Variants in ELP4 observed in about 807,000 individuals in gnomAD.
ELP4 encodes elongator complex protein 4.
Under a neutral mutation model 48.9 loss-of-function variants are expected in ELP4, and 51 were observed. That is an observed-to-expected ratio of 1.04 (90% CI 0.83 to 1.32). The LOEUF is 1.32. Among genes scored for constraint, ELP4 ranks in the 40% most tolerant of loss-of-function variants. ELP4 has a pLI of 0.00. For synonymous variants in ELP4, 210 were observed against 189.2 expected, an observed-to-expected ratio of 1.11 and a Z score of -0.90; for missense variants, 519 against 514.6, an observed-to-expected ratio of 1.01 and a Z score of -0.08.
At chr11:31,744,093 A>G (rs1421902271) in intron 9 of ELP4, among the ~76,000 whole-genome samples, 1 of 152,210 alleles carries the variant, frequency 6.6e-6, no homozygotes, top group Non-Finnish European at 1.5e-5. Context: ...ACAAACTACC[A>G]TCAGAGAATA....
At chr11:31,686,328 G>GTTTTT (rs376488709) in intron 9 of ELP4, among the ~76,000 whole-genome samples, 4 of 122,510 alleles carry the variant, frequency 3.3e-5, no homozygotes, top group African/African-American at 6.0e-5. Context: ...TTGTGGGTTG[G>GTTTTT]TTTTTTTTTT....
At chr11:31,609,513 A>G (rs1485088064) in intron 5 of ELP4, among the ~76,000 whole-genome samples, 1 of 152,068 alleles carries the variant, frequency 6.6e-6, no homozygotes, top group Non-Finnish European at 1.5e-5. Context: ...CAGGGTTTTC[A>G]TCAGCTCTTT....
At position 31,520,197 on chromosome 11, in the gene ELP4, A is replaced by G. The variant is rs188498302; in HGVS notation, c.259+106A>G. ...AAATTATTTAAATCACTAACACGAC[A>G]GAAGTTAAGATAAATTAGAGAGGAA... On this transcript the variant is annotated intron_variant, in intron 2 of 9. Transcript: ENST00000640961. 3.5e-5 allele frequency: 32 copies of G among 918,948 alleles called. No individual in the cohort carries two copies. In the East Asian group the frequency reaches 8.0e-4, roughly 23 times the overall value. The allele number at this position is 918,948 out of a possible 1,614,324, so 56.9% of individuals were successfully genotyped here. A position where few individuals can be genotyped will look rare whatever the true frequency, so the allele number is the denominator to read the frequency against.
intron 2 of ELP4, among the ~76,000 whole-genome samples, chr11:31,536,198 AT>A (rs1284161443): frequency 6.6e-6 from 1 of 151,430 alleles, no homozygotes; most frequent in African/African-American, 2.5e-5. Flanking sequence ...GTTTTTGGCT[AT>A]TAAAAAAAAA....
intron 5 of ELP4, among the ~76,000 whole-genome samples, chr11:31,609,522 T>G (rs1306719381): frequency 6.6e-6 from 1 of 150,880 alleles, no homozygotes; most frequent in Non-Finnish European, 1.5e-5. Flanking sequence ...CATCAGCTCT[T>G]TGAGGGATAT....
At chr11:31,533,984 C>T (rs1210766456) in intron 2 of ELP4, among the ~76,000 whole-genome samples, 1 of 151,752 alleles carries the variant, frequency 6.6e-6, no homozygotes, top group East Asian at 2.0e-4. Flanking sequence ...TACAGGCTCC[C>T]GCCACCACGC....
chr11:31,643,347 G>A (rs12363388), intron 7 of ELP4, among the ~76,000 whole-genome samples: 3 of 151,492 alleles, frequency 2.0e-5, no homozygotes, highest in Non-Finnish European at 4.4e-5. Flanking sequence ...TACTTGAGGC[G>A]TTGCATAAAT....
chr11:31,711,672 T>G (rs1946746040), intron 9 of ELP4, among the ~76,000 whole-genome samples: 1 of 152,158 alleles, frequency 6.6e-6, no homozygotes, highest in African/African-American at 2.4e-5. Flanking sequence ...TACCTCTGCA[T>G]TATTTTAGAC....
At chr11:31,753,692 A>G (rs893055202) in intron 9 of ELP4, among the ~76,000 whole-genome samples, 2 of 152,370 alleles carry the variant, frequency 1.3e-5, no homozygotes, top group African/African-American at 4.8e-5. Context: ...AGAATGTTGA[A>G]TATAGCATTT....
intron 9 of ELP4, among the ~76,000 whole-genome samples, chr11:31,678,491 A>ATGTG (rs1412303062): frequency 6.0e-4 from 28 of 46,624 alleles, no homozygotes; most frequent in African/African-American, 1.2e-3. Context: ...GCATACATAT[A>ATGTG]TGTATGTGTG....
At chr11:31,634,437 T>G (rs749249584) in intron 7 of ELP4, 7 of 152,032 alleles carry the variant, frequency 4.6e-5, no homozygotes, top group Non-Finnish European at 8.8e-5. Flanking sequence ...ACTTTAAATT[T>G]TATTCCAAAG....
intron 9 of ELP4, among the ~76,000 whole-genome samples, chr11:31,778,059 G>A (rs536267070): frequency 1.1e-3 from 165 of 152,286 alleles, no homozygotes; most frequent in African/African-American, 3.6e-3. Context: ...ATAAAGGGGG[G>A]ATATGCTTTT....
intron 9 of ELP4, among the ~76,000 whole-genome samples, chr11:31,709,271 C>G (rs1160573895): frequency 1.3e-5 from 2 of 152,196 alleles, no homozygotes; most frequent in South Asian, 4.1e-4. Context: ...ATATTACAAA[C>G]TATAGATTTG....
At chr11:31,542,092 G>A (rs1465005724) in intron 3 of ELP4, among the ~76,000 whole-genome samples, 2 of 152,090 alleles carry the variant, frequency 1.3e-5, no homozygotes, top group Non-Finnish European at 2.9e-5. Context: ...AACATAAAAA[G>A]CAGCACAGGG....
At chr11:31,725,128 C>G (rs1307909553) in intron 9 of ELP4, among the ~76,000 whole-genome samples, 1 of 152,206 alleles carries the variant, frequency 6.6e-6, no homozygotes, top group Non-Finnish European at 1.5e-5. Flanking sequence ...GACTGCTTCT[C>G]TGACTACCTC....
At chr11:31,520,125 T>C in intron 2 of ELP4, 34 bp downstream of exon 2, 1 of 1,580,548 alleles carries the variant, frequency 6.3e-7, no homozygotes. Context: ...CTCTCCTCTA[T>C]CATTGTTTTC....
intron 7 of ELP4, among the ~76,000 whole-genome samples, chr11:31,639,717 T>C (rs546320710): frequency 6.6e-6 from 1 of 152,068 alleles, no homozygotes; most frequent in Middle Eastern, 3.4e-3. Flanking sequence ...TAAGGATATA[T>C]TTTAAATTGT....
intron 9 of ELP4, among the ~76,000 whole-genome samples, chr11:31,684,239 C>T (rs1048857866): frequency 3.9e-5 from 6 of 151,968 alleles, no homozygotes; most frequent in Non-Finnish European, 8.8e-5. Context: ...CAGAATCTCC[C>T]TTTGTCACCC....
In ELP4 at chr11:31,651,540, AAC is replaced by A. The variant is rs562723243; in HGVS notation, c.1143+1322_1143+1323del. 19 of 151,928 alleles carry A rather than the reference AAC, an allele frequency of 1.3e-4. No individual in the cohort carries two copies. In the South Asian group the frequency reaches 3.9e-3, roughly 31 times the overall value. The allele number at this position is 151,928 out of a possible 1,614,324, so 9.4% of individuals were successfully genotyped here. On this transcript the variant is annotated intron_variant, in intron 9 of 9. Coordinates refer to ENST00000640961, the MANE Select transcript of ELP4 (RefSeq NM_019040.5). ...AAAAGAAACCATTGAAGTGGAACCC[AAC>A]ACTGTAATTGTTCAAACATTGTTTC...
Sources: gnomAD v4.1 joint callset for allele counts (sites outside exome capture counted in the v4.1 genomes callset) on GRCh38, gnomAD v4.1.1 for gene constraint, MANE v1.5 for transcripts, NCBI Gene and HGNC (gene_info 2026-07-23, HGNC 2026-07-21) for gene names.